Variants in PTPRN2 observed in about 807,000 individuals in gnomAD.
PTPRN2 encodes protein tyrosine phosphatase receptor type N2.
In PTPRN2, 74 loss-of-function variants were observed where a neutral mutation model predicts 118.8. The observed-to-expected ratio is 0.62, with a 90% CI of 0.52 to 0.76. PTPRN2 has a LOEUF of 0.76. Ranked by LOEUF, PTPRN2 falls within the 30% of genes least tolerant of loss-of-function variation. PTPRN2 has a pLI of 0.00. For synonymous variants in PTPRN2, 641 were observed against 608.0 expected (o/e 1.05, Z -0.80); for missense variants, 1,481 against 1,394.4 (o/e 1.06, Z -0.99).
At chr7:158,312,188 G>A (rs541224848) in intron 3 of PTPRN2, among the ~76,000 whole-genome samples, 9 of 89,644 alleles carry the variant, frequency 1.0e-4, no homozygotes, top group Admixed American at 2.3e-4. Context: ...ACATGCTCAT[G>A]TGTAGACACT....
chr7:157,770,085 C>T (rs896963754), intron 12 of PTPRN2, among the ~76,000 whole-genome samples: 4 of 152,212 alleles, frequency 2.6e-5, no homozygotes, highest in Non-Finnish European at 5.9e-5. Flanking sequence ...TTTCACTTCC[C>T]GCTGCCACCG....
intron 15 of PTPRN2, among the ~76,000 whole-genome samples, chr7:157,604,378 G>A (rs1455891447): frequency 6.6e-6 from 1 of 152,218 alleles, no homozygotes; most frequent in Non-Finnish European, 1.5e-5. Context: ...CCTCCAGGTG[G>A]GAGGCAGACG....
chr7:158,391,728 C>T (rs1190051381), intron 2 of PTPRN2, among the ~76,000 whole-genome samples: 1 of 152,200 alleles, frequency 6.6e-6, no homozygotes, highest in African/African-American at 2.4e-5. Context: ...GGATGCAGCC[C>T]TGCAGCCCTG....
intron 12 of PTPRN2, among the ~76,000 whole-genome samples, chr7:157,720,700 C>T (rs1585303149): frequency 6.6e-6 from 1 of 152,340 alleles, no homozygotes; most frequent in East Asian, 1.9e-4. Context: ...GAAACTCCTT[C>T]AAGGATAACG....
At chr7:158,575,252 T>C (rs1447674076) in intron 1 of PTPRN2, among the ~76,000 whole-genome samples, 1 of 152,250 alleles carries the variant, frequency 6.6e-6, no homozygotes, top group Non-Finnish European at 1.5e-5. Context: ...GTGCTTGACT[T>C]ACCCTGAATA....
intron 11 of PTPRN2, among the ~76,000 whole-genome samples, chr7:158,008,917 TATACTC>T (rs996465265): frequency 1.3e-4 from 20 of 152,244 alleles, no homozygotes; most frequent in African/African-American, 4.8e-4. Flanking sequence ...ATCACGTTGA[TATACTC>T]AGACTTCTTC....
chr7:158,026,498 T>C (rs1263095738), intron 11 of PTPRN2, among the ~76,000 whole-genome samples: 3 of 152,330 alleles, frequency 2.0e-5, no homozygotes, highest in Non-Finnish European at 4.4e-5. Context: ...TGCATCCTTA[T>C]TGATCGAAAT....
chr7:157,774,381 C>T (rs747607949), intron 12 of PTPRN2, among the ~76,000 whole-genome samples: 12 of 152,214 alleles, frequency 7.9e-5, no homozygotes, highest in African/African-American at 1.4e-4. Flanking sequence ...CCCAGCATGG[C>T]CTGGGCATCA....
chr7:158,054,856 C>T (rs151200572), intron 11 of PTPRN2, among the ~76,000 whole-genome samples: 171 of 152,332 alleles, frequency 1.1e-3, no homozygotes, highest in African/African-American at 3.9e-3. Context: ...TCACCAAATC[C>T]CACTGCTGGC....
intron 12 of PTPRN2, among the ~76,000 whole-genome samples, chr7:157,867,463 C>G (rs1472773444): frequency 7.5e-6 from 1 of 133,342 alleles, no homozygotes; most frequent in Non-Finnish European, 1.6e-5. Flanking sequence ...GCTCTGGATA[C>G]AGGGCCACCA....
chr7:158,547,661 T>C (rs528711871), intron 1 of PTPRN2, among the ~76,000 whole-genome samples: 1 of 152,312 alleles, frequency 6.6e-6, no homozygotes, highest in African/African-American at 2.4e-5. Flanking sequence ...ACTGGAGCCC[T>C]GGGAGGCACT....
At chr7:158,026,634 G>A (rs909163594) in intron 11 of PTPRN2, among the ~76,000 whole-genome samples, 9 of 152,152 alleles carry the variant, frequency 5.9e-5, no homozygotes, top group Admixed American at 5.2e-4. Flanking sequence ...CACGTGAGAT[G>A]GTACAGGAGG....
chr7:158,149,167 C>T (rs13224241), intron 6 of PTPRN2, among the ~76,000 whole-genome samples: 1 of 152,058 alleles, frequency 6.6e-6, no homozygotes, highest in Non-Finnish European at 1.5e-5. Context: ...AGTGACACCC[C>T]ATCTCACGCC....
chr7:158,247,251 C>A (rs1055657551), intron 3 of PTPRN2, among the ~76,000 whole-genome samples: 3 of 152,164 alleles, frequency 2.0e-5, no homozygotes, highest in African/African-American at 7.2e-5. Context: ...CGCCCCCTGG[C>A]CAAGAGGGGT....
chr7:157,682,230 G>C (rs909828206), intron 13 of PTPRN2, among the ~76,000 whole-genome samples: 1 of 152,104 alleles, frequency 6.6e-6, no homozygotes, highest in Admixed American at 6.5e-5. Context: ...ATGGGGACGC[G>C]TGTGGGTCAC....
chr7:158,500,052 GGTTT>G (rs1486440905), intron 1 of PTPRN2, among the ~76,000 whole-genome samples: 1 of 139,568 alleles, frequency 7.2e-6, no homozygotes, highest in Non-Finnish European at 1.6e-5. Flanking sequence ...AAAAAAAAAA[GGTTT>G]ATTTTGAAAA....
intron 2 of PTPRN2, among the ~76,000 whole-genome samples, chr7:158,406,507 G>A (rs1813452114): frequency 6.6e-6 from 1 of 152,262 alleles, no homozygotes; most frequent in Admixed American, 6.5e-5. Context: ...TCCCGCAGTG[G>A]TGCTTATCTC....
chr7:157,620,534 G>A (rs1205835348), intron 15 of PTPRN2, among the ~76,000 whole-genome samples: 3 of 152,202 alleles, frequency 2.0e-5, no homozygotes, highest in South Asian at 2.1e-4. Flanking sequence ...TAATGACCTC[G>A]TCTAACCCTT....
chr7:157,989,417 T>G (rs2128842094), intron 11 of PTPRN2, among the ~76,000 whole-genome samples: 1 of 151,548 alleles, frequency 6.6e-6, no homozygotes, highest in Admixed American at 6.6e-5. Flanking sequence ...AGACCACACC[T>G]TAGAAAAAAG....
Sources: allele counts gnomAD v4.1 joint callset (sites outside exome capture counted in the v4.1 genomes callset), GRCh38; gene constraint gnomAD v4.1.1; transcripts MANE v1.5; gene names NCBI Gene and HGNC (gene_info 2026-07-23, HGNC 2026-07-21).